The following GPC6 variants were observed in gnomAD, a reference collection of about 807,000 sequenced individuals.
GPC6 encodes glypican-6.
A neutral mutation model predicts 55.2 loss-of-function variants in GPC6; 14 were observed. The ratio of observed to expected loss-of-function variants is 0.25; its 90% confidence interval spans 0.17 to 0.40. The LOEUF is 0.40. Among genes scored for constraint, GPC6 ranks in the 10% least tolerant of loss-of-function variants. The pLI, the probability that GPC6 is intolerant of heterozygous loss-of-function variation, is 1.00. For synonymous variants in GPC6, 278 were observed against 259.6 expected, an observed-to-expected ratio of 1.07 and a Z score of -0.68; for missense variants, 641 against 708.5, an observed-to-expected ratio of 0.90 and a Z score of 1.08.
intron 2 of GPC6, among the ~76,000 whole-genome samples, chr13:93,816,623 T>C (rs1355633052): frequency 1.3e-5 from 2 of 151,942 alleles, no homozygotes; most frequent in African/African-American, 4.8e-5. Context: ...AAATAATATT[T>C]GTTTTTTTTT....
intron 4 of GPC6, among the ~76,000 whole-genome samples, chr13:94,158,990 T>C (rs1888061719): frequency 1.3e-5 from 2 of 152,270 alleles, no homozygotes; most frequent in South Asian, 4.1e-4. Context: ...CACAACCCTT[T>C]CTCACTCCCA....
intron 2 of GPC6, among the ~76,000 whole-genome samples, chr13:93,579,740 T>A (rs1876847275): frequency 6.6e-6 from 1 of 152,136 alleles, no homozygotes; most frequent in Admixed American, 6.5e-5. Flanking sequence ...CAATTTTAAA[T>A]TGTTTAGGAC....
chr13:93,676,628 A>G (rs1197547518), intron 2 of GPC6, among the ~76,000 whole-genome samples: 2 of 152,040 alleles, frequency 1.3e-5, no homozygotes, highest in African/African-American at 4.8e-5. Flanking sequence ...ATAAACTGAC[A>G]CTCAATGTTG....
At chr13:93,240,817 C>G (rs1876401982) in intron 1 of GPC6, among the ~76,000 whole-genome samples, 2 of 152,022 alleles carry the variant, frequency 1.3e-5, no homozygotes, top group South Asian at 4.1e-4. Flanking sequence ...TTGAGCATTT[C>G]TTATAGGTCC....
At chr13:93,368,374 T>G (rs143779884) in intron 1 of GPC6, among the ~76,000 whole-genome samples, 4,412 of 117,906 alleles carry the variant, frequency 0.037, 103 homozygotes, top group Middle Eastern at 0.07. Context: ...CCTTCCTTCC[T>G]TCCTTCCTTC....
chr13:93,322,506 G>A (rs7999016), intron 1 of GPC6, among the ~76,000 whole-genome samples: 30,649 of 139,412 alleles, frequency 0.22, 4,538 homozygotes, highest in African/African-American at 0.42. Context: ...GTGCATTCTC[G>A]GCTCACTGCA....
intron 6 of GPC6, among the ~76,000 whole-genome samples, chr13:94,340,913 A>G (rs912487524): frequency 2.6e-5 from 4 of 152,228 alleles, no homozygotes; most frequent in African/African-American, 9.6e-5. Context: ...AGTATTTAGT[A>G]CTTCAAATAG....
intron 4 of GPC6, among the ~76,000 whole-genome samples, chr13:94,168,123 G>C (rs912774408): frequency 1.3e-5 from 2 of 152,212 alleles, no homozygotes; most frequent in African/African-American, 4.8e-5. Context: ...TAAGTGATTT[G>C]ACCAAGACAA....
At chr13:93,708,760 T>C (rs966830014) in intron 2 of GPC6, among the ~76,000 whole-genome samples, 1 of 151,710 alleles carries the variant, frequency 6.6e-6, no homozygotes, top group East Asian at 2.0e-4. Flanking sequence ...GCCACTAAGA[T>C]TGACACTTCA....
At chr13:93,958,137 G>A (rs1879594302) in intron 3 of GPC6, among the ~76,000 whole-genome samples, 1 of 152,098 alleles carries the variant, frequency 6.6e-6, no homozygotes, top group Admixed American at 6.5e-5. Context: ...TGCATGCTTT[G>A]CAAATATTTT....
intron 1 of GPC6, among the ~76,000 whole-genome samples, chr13:93,373,503 A>C (rs1874754556): frequency 6.6e-6 from 1 of 152,220 alleles, no homozygotes; most frequent in Non-Finnish European, 1.5e-5. Flanking sequence ...CAAACCAAGA[A>C]AGTATAAAGA....
At chr13:93,402,190 A>G (rs976918796) in intron 1 of GPC6, among the ~76,000 whole-genome samples, 2 of 152,186 alleles carry the variant, frequency 1.3e-5, no homozygotes, top group African/African-American at 4.8e-5. Flanking sequence ...AAGGAATGCA[A>G]GTATGTATGG....
At chr13:93,851,510 T>C (rs988251844) in intron 3 of GPC6, among the ~76,000 whole-genome samples, 1 of 151,840 alleles carries the variant, frequency 6.6e-6, no homozygotes, top group Non-Finnish European at 1.5e-5. Context: ...GCTAGGAGTG[T>C]TCAGGAATCA....
chr13:93,425,320 C>T (rs749214300), intron 1 of GPC6, among the ~76,000 whole-genome samples: 8 of 152,000 alleles, frequency 5.3e-5, no homozygotes, highest in African/African-American at 9.7e-5. Context: ...ATGATCAGTT[C>T]CAAAAGCACC....
intron 2 of GPC6, among the ~76,000 whole-genome samples, chr13:93,626,253 T>C (rs1879196647): frequency 6.6e-6 from 1 of 152,084 alleles, no homozygotes; most frequent in African/African-American, 2.4e-5. Flanking sequence ...ATATGAGACG[T>C]CTTGTTTCAG....
chr13:94,020,932 A>G (rs949802018), intron 3 of GPC6, among the ~76,000 whole-genome samples: 5 of 152,184 alleles, frequency 3.3e-5, no homozygotes, highest in Non-Finnish European at 5.9e-5. Flanking sequence ...AAGATACTTT[A>G]CATGTAATTT....
At chr13:94,335,901 AT>A (rs57333414) in intron 6 of GPC6, among the ~76,000 whole-genome samples, 9,704 of 146,926 alleles carry the variant, frequency 0.066, 927 homozygotes, top group African/African-American at 0.22. Flanking sequence ...TGTTGTTGTG[AT>A]TTTTTTTTTT....
At chr13:93,234,005 G>T (rs1425468766) in intron 1 of GPC6, among the ~76,000 whole-genome samples, 3 of 152,192 alleles carry the variant, frequency 2.0e-5, no homozygotes, top group African/African-American at 7.2e-5. Context: ...CAAAGAAGCA[G>T]ATTTTTAACC....
chr13:93,531,782 G>A (rs760384292), intron 1 of GPC6, among the ~76,000 whole-genome samples: 19 of 151,962 alleles, frequency 1.3e-4, no homozygotes, highest in East Asian at 3.9e-4. Context: ...ATACATATAC[G>A]TTGTAAAAAT....
Sources: gnomAD v4.1 joint callset for allele counts (sites outside exome capture counted in the v4.1 genomes callset) on GRCh38, gnomAD v4.1.1 for gene constraint, MANE v1.5 for transcripts, NCBI Gene and HGNC (gene_info 2026-07-23, HGNC 2026-07-21) for gene names.